GLRB: variants seen among roughly 807,000 people sequenced by gnomAD.
GLRB encodes glycine receptor beta, also known as glycine receptor subunit beta.
In GLRB, 33 loss-of-function variants were observed where a neutral mutation model predicts 54.2. The ratio of observed to expected loss-of-function variants is 0.61; its 90% CI spans 0.46 to 0.81. The LOEUF (loss-of-function observed/expected upper bound fraction) is 0.81. Among genes scored for constraint, GLRB ranks in the 40% least tolerant of loss-of-function variants. The pLI, the probability that GLRB is intolerant of heterozygous loss-of-function variation, is 0.00. For synonymous variants in GLRB, 209 were observed against 208.2 expected (o/e 1.00, Z -0.03); for missense variants, 572 against 584.6 (o/e 0.98, Z 0.22).
chr4:157,119,472 G>C (rs1208457397), intron 2 of GLRB, among the ~76,000 whole-genome samples: 1 of 151,430 alleles, frequency 6.6e-6, no homozygotes, highest in Admixed American at 6.6e-5. Flanking sequence ...CACTCCCTTT[G>C]TACTTGCCTA....
At chr4:157,153,399 C>T (rs1737102541) in intron 9 of GLRB, among the ~76,000 whole-genome samples, 1 of 152,082 alleles carries the variant, frequency 6.6e-6, no homozygotes, top group South Asian at 2.1e-4. Context: ...CATCACTGAT[C>T]ATCTGCCTTA....
chr4:157,104,869 T>C (rs1735163327), intron 2 of GLRB, among the ~76,000 whole-genome samples: 1 of 152,008 alleles, frequency 6.6e-6, no homozygotes, highest in African/African-American at 2.4e-5. Flanking sequence ...TCTCTTACAA[T>C]CGTTTGTGTT....
At chr4:157,089,577 C>G (rs924197619) in intron 2 of GLRB, among the ~76,000 whole-genome samples, 1 of 152,142 alleles carries the variant, frequency 6.6e-6, no homozygotes, top group African/African-American at 2.4e-5. Context: ...ACTCCTGGCT[C>G]TTTTTAGCCA....
chr4:157,078,054 A>C lies in GLRB; in HGVS notation c.30A>C (p.Leu10Phe), dbSNP rs942587161. Residue 10 changes from leucine (L) to phenylalanine (F), a missense_variant, in exon 2 of 10, where the codon TTA becomes TTC. Transcript: ENST00000264428. MKFLLTTAF[L>F]ILISLWVEEA... ...AGTTTTTATTGACAACTGCCTTTTTAATTTTAATTTCCTTGTGGGTGGAAG... is the reference window on the plus strand; with the variant it reads ...AGTTTTTATTGACAACTGCCTTTTTCATTTTAATTTCCTTGTGGGTGGAAG... 4.3e-6 allele frequency: 7 copies of C among 1,611,186 alleles called. No individual in the cohort carries two copies. Among genetic ancestry groups the C allele is most frequent in the Non-Finnish European group, 3.4e-6 (4 of 1,177,728 alleles).
intron 7 of GLRB, among the ~76,000 whole-genome samples, chr4:157,141,628 T>C (rs1736614987): frequency 6.6e-6 from 1 of 152,024 alleles, no homozygotes; most frequent in South Asian, 2.1e-4. Context: ...AGAAAGTAAA[T>C]TGAATTTGCC....
chr4:157,138,217 G>A (rs376684187), intron 6 of GLRB, among the ~76,000 whole-genome samples: 9 of 151,994 alleles, frequency 5.9e-5, no homozygotes, highest in East Asian at 3.9e-4. Context: ...GATCACATGC[G>A]TCCACCACCG....
rs2126638543 is a variant in GLRB, at chr4:157,170,894, T to C, written c.*166T>C. ...ACCTTAATTTTGAATGGCAGCATGATCATGTAATATCTGTGCTCTAATAAC... is the reference window on the plus strand; with the variant it reads ...ACCTTAATTTTGAATGGCAGCATGACCATGTAATATCTGTGCTCTAATAAC... On this transcript the variant is annotated 3_prime_UTR_variant, in exon 10 of 10. Coordinates refer to ENST00000264428, the MANE Select transcript of GLRB (RefSeq NM_000824.5). 1 of 560,978 alleles carries C rather than the reference T, an allele frequency of 1.8e-6. No individual in the cohort carries two copies. The highest frequency in any genetic ancestry group is 4.7e-4 in the Middle Eastern group (1 of 2,136). The allele number at this position is 560,978 out of a possible 1,614,324, so 34.8% of individuals were successfully genotyped here. A position where few individuals can be genotyped will look rare whatever the true frequency, so the allele number is the denominator to read the frequency against.
intron 2 of GLRB, among the ~76,000 whole-genome samples, chr4:157,119,777 C>T (rs906475237): frequency 4.0e-5 from 6 of 151,712 alleles, no homozygotes; most frequent in Non-Finnish European, 5.9e-5. Context: ...CACTTTTACA[C>T]TGTTGGGGGA....
chr4:157,139,599 A>G (rs976184675), intron 7 of GLRB, among the ~76,000 whole-genome samples: 1 of 151,936 alleles, frequency 6.6e-6, no homozygotes, highest in Non-Finnish European at 1.5e-5. Flanking sequence ...TCAACCTTTT[A>G]TTTTCTGCTA....
rs547926608 is a variant in GLRB at position 157,127,281 on chromosome 4, A to T, written c.297+4884A>T. ...AGAATTTACTGTAGAATAATATTAG[A>T]CATATTTGTCCCATTTTTTATTTCA... On this transcript the variant is annotated intron_variant, in intron 4 of 9. Coordinates refer to ENST00000264428, the MANE Select transcript of GLRB (RefSeq NM_000824.5). Among the ~76,000 whole-genome samples, 3 of 151,860 alleles carry T rather than the reference A, an allele frequency of 2.0e-5. No homozygotes were observed. In the East Asian group the frequency reaches 5.8e-4, roughly 30 times the overall value.
intron 8 of GLRB, among the ~76,000 whole-genome samples, chr4:157,149,442 A>G (rs996041845): frequency 6.6e-6 from 1 of 152,076 alleles, no homozygotes; most frequent in African/African-American, 2.4e-5. Context: ...TAAGTAAACT[A>G]TACTGTATCT....
intron 2 of GLRB, among the ~76,000 whole-genome samples, chr4:157,117,781 C>G (rs1039926796): frequency 2.3e-4 from 35 of 151,754 alleles, no homozygotes; most frequent in African/African-American, 8.2e-4. Context: ...ACTATAAAAA[C>G]AGTAGGGAAC....
chr4:157,090,484 A>T (rs1158787894), intron 2 of GLRB, among the ~76,000 whole-genome samples: 1 of 152,210 alleles, frequency 6.6e-6, no homozygotes, highest in African/African-American at 2.4e-5. Flanking sequence ...TTATGACTTC[A>T]TGCAGACATA....
At chr4:157,148,878 T>C (rs957525062) in intron 8 of GLRB, among the ~76,000 whole-genome samples, 1 of 152,146 alleles carries the variant, frequency 6.6e-6, no homozygotes, top group African/African-American at 2.4e-5. Context: ...AAATCTTTTA[T>C]CTCTTTTGTG....
chr4:157,118,522 G>A (rs1159609044), intron 2 of GLRB, among the ~76,000 whole-genome samples: 1 of 151,496 alleles, frequency 6.6e-6, no homozygotes, highest in Admixed American at 6.6e-5. Context: ...AGCCAATAAA[G>A]CCACAAGAAG....
At chr4:157,168,799 G>A (rs1737813296) in intron 9 of GLRB, among the ~76,000 whole-genome samples, 1 of 152,080 alleles carries the variant, frequency 6.6e-6, no homozygotes, top group South Asian at 2.1e-4. Context: ...TAATAACAAA[G>A]CCAACATTTG....
chr4:157,095,671 T>G lies in GLRB; in HGVS notation c.122+17525T>G, dbSNP rs1168326948. On this transcript the variant is annotated intron_variant, in intron 2 of 9. Transcript: ENST00000264428. ...GTGAAACCCTATCTCTACAAAAACT[T>G]TTTTTAAAAAGACATAAAGCTAGGA... Among the ~76,000 whole-genome samples the G allele has an allele frequency of 3.3e-5, 5 of 152,086 alleles. No homozygotes were observed. In the East Asian group the frequency reaches 5.8e-4, roughly 18 times the overall value.
At chr4:157,159,626 G>A (rs1737386656) in intron 9 of GLRB, among the ~76,000 whole-genome samples, 1 of 152,100 alleles carries the variant, frequency 6.6e-6, no homozygotes, top group Non-Finnish European at 1.5e-5. Context: ...TTTATAGGAT[G>A]GGTTACATTT....
At chr4:157,153,623 T>C (rs1330541179) in intron 9 of GLRB, among the ~76,000 whole-genome samples, 1 of 152,180 alleles carries the variant, frequency 6.6e-6, no homozygotes, top group Non-Finnish European at 1.5e-5. Flanking sequence ...CCCTGCCTTG[T>C]CAATTAATTA....
Sources: gnomAD v4.1 joint callset for allele counts (sites outside exome capture counted in the v4.1 genomes callset) on GRCh38, gnomAD v4.1.1 for gene constraint, MANE v1.5 for transcripts, NCBI Gene and HGNC (gene_info 2026-07-23, HGNC 2026-07-21) for gene names.